The following PRKCH variants were observed in gnomAD, a reference collection of about 807,000 sequenced individuals.
PRKCH encodes protein kinase C eta, also known as protein kinase C eta type.
Under a neutral mutation model 82.5 loss-of-function variants are expected in PRKCH, and 28 were observed. The ratio of observed to expected loss-of-function variants is 0.34; its 90% confidence interval spans 0.25 to 0.47. The LOEUF (loss-of-function observed/expected upper bound fraction) is 0.47, where lower values mean the gene tolerates loss of function less well. Ranked by LOEUF, PRKCH falls within the 20% of genes least tolerant of loss-of-function variation. PRKCH has a pLI of 1.00. For missense variants in PRKCH, 705 were observed against 881.8 expected, an observed-to-expected ratio of 0.80 and a Z score of 2.54; for synonymous variants, 322 against 327.4, an observed-to-expected ratio of 0.98 and a Z score of 0.18.
At chr14:61,431,552 A>G (rs984411282) in intron 2 of PRKCH, among the ~76,000 whole-genome samples, 3 of 151,842 alleles carry the variant, frequency 2.0e-5, no homozygotes, top group African/African-American at 7.3e-5. Flanking sequence ...CTGCAGACCC[A>G]TATGGATTCG....
At chr14:61,284,406 G>A (rs1056840586) in intron 1 of PRKCH, among the ~76,000 whole-genome samples, 13 of 152,210 alleles carry the variant, frequency 8.5e-5, no homozygotes, top group Non-Finnish European at 1.6e-4. Context: ...AGAAGATACT[G>A]GTAGATTGGC....
chr14:61,227,601 GATAA>G (rs10638537), intron 1 of PRKCH, among the ~76,000 whole-genome samples: 1,954 of 151,414 alleles, frequency 0.013, 111 homozygotes, highest in Admixed American at 0.11. Context: ...TCAAAAAATA[GATAA>G]ATAAATAAAT....
At chr14:61,459,694 G>A (rs139649963) in intron 9 of PRKCH, among the ~76,000 whole-genome samples, 1,800 of 152,212 alleles carry the variant, frequency 0.012, 38 homozygotes, top group African/African-American at 0.041. Context: ...TCCTTTCTCC[G>A]AAAGAAACAA....
intron 1 of PRKCH, among the ~76,000 whole-genome samples, chr14:61,202,526 A>T (rs2044490075): frequency 6.6e-6 from 1 of 152,214 alleles, no homozygotes; most frequent in Non-Finnish European, 1.5e-5. Context: ...CCACTTCAAA[A>T]GCAGTTGGCA....
chr14:61,301,534 G>A (rs2045447302), intron 1 of PRKCH, among the ~76,000 whole-genome samples: 1 of 152,184 alleles, frequency 6.6e-6, no homozygotes. Flanking sequence ...AAGGTAACGT[G>A]TGCATACAGT....
At chr14:61,377,087 C>T (rs915926362) in intron 1 of PRKCH, among the ~76,000 whole-genome samples, 29 of 152,156 alleles carry the variant, frequency 1.9e-4, no homozygotes, top group Admixed American at 6.5e-4. Context: ...CCTGTCATCT[C>T]CCAGGTCATC....
chr14:61,489,812 A>T (rs1221297818), intron 10 of PRKCH, among the ~76,000 whole-genome samples: 1 of 152,236 alleles, frequency 6.6e-6, no homozygotes, highest in Admixed American at 6.5e-5. Flanking sequence ...ACAAAGGGGC[A>T]TGCATCCCAT....
At chr14:61,244,809 TATACCCCCGA>T (rs1419522768) in intron 1 of PRKCH, among the ~76,000 whole-genome samples, 2 of 152,238 alleles carry the variant, frequency 1.3e-5, no homozygotes, top group African/African-American at 4.8e-5. Flanking sequence ...TCACACTTTA[TATACCCCCGA>T]ATACAACAAG....
chr14:61,267,293 C>T (rs1053032209), intron 1 of PRKCH, among the ~76,000 whole-genome samples: 1 of 152,140 alleles, frequency 6.6e-6, no homozygotes, highest in East Asian at 1.9e-4. Context: ...GAGAGTACAG[C>T]GAGATGTAAT....
At position 61,418,546 on chromosome 14, in the gene PRKCH, G is replaced by A. The variant is rs1417131400; in HGVS notation, c.428-24565G>A. Reference sequence around the variant, plus strand: ...CCCTGGAAAGGTTAGCCTAAGCATGGGGTAGGTGCTGGTTTCTTTTGCTGA... The same window carrying A: ...CCCTGGAAAGGTTAGCCTAAGCATGAGGTAGGTGCTGGTTTCTTTTGCTGA... On this transcript the variant is annotated intron_variant, in intron 2 of 13. Coordinates refer to ENST00000332981, the MANE Select transcript of PRKCH (RefSeq NM_006255.5). 2.6e-5 allele frequency among the ~76,000 whole-genome samples: 4 copies of A among 152,196 alleles called. No homozygotes were observed. The South Asian group carries it at 8.3e-4, about 32-fold the overall frequency.
At chr14:61,322,583 A>G in intron 1 of PRKCH, 119 bp downstream of exon 1, 2 of 1,408,914 alleles carry the variant, frequency 1.4e-6, no homozygotes, top group South Asian at 1.5e-5. Flanking sequence ...TTCCCTCCAG[A>G]CTTTGGTCTT....
At chr14:61,246,208 C>T (rs1013979670) in intron 1 of PRKCH, among the ~76,000 whole-genome samples, 3 of 151,026 alleles carry the variant, frequency 2.0e-5, no homozygotes, top group Non-Finnish European at 4.4e-5. Flanking sequence ...GAGTTCAACA[C>T]CAGCCTGACC....
chr14:61,404,713 G>C (rs745313819), intron 2 of PRKCH, among the ~76,000 whole-genome samples: 2 of 152,200 alleles, frequency 1.3e-5, no homozygotes, highest in Non-Finnish European at 2.9e-5. Context: ...TGTGTATGCT[G>C]TTTTGTTCAA....
At chr14:61,314,680 G>A (rs995052387) in intron 1 of PRKCH, among the ~76,000 whole-genome samples, 1 of 152,082 alleles carries the variant, frequency 6.6e-6, no homozygotes, top group Non-Finnish European at 1.5e-5. Flanking sequence ...TCTTCTTTTG[G>A]GGAAACCTGA....
intron 12 of PRKCH, among the ~76,000 whole-genome samples, chr14:61,537,196 C>T (rs1265453977): frequency 6.6e-6 from 1 of 152,158 alleles, no homozygotes; most frequent in Non-Finnish European, 1.5e-5. Context: ...CAATACTTAA[C>T]GTGTGCTTGC....
intron 1 of PRKCH, among the ~76,000 whole-genome samples, chr14:61,239,799 C>T (rs867498547): frequency 1.3e-5 from 2 of 152,252 alleles, no homozygotes; most frequent in Middle Eastern, 3.4e-3. Context: ...GTAGTCCTGG[C>T]ATAATTTTTT....
intron 1 of PRKCH, among the ~76,000 whole-genome samples, chr14:61,299,024 C>T (rs1213044007): frequency 2.0e-5 from 3 of 152,180 alleles, no homozygotes; most frequent in East Asian, 1.9e-4. Context: ...CTTCTGGGGT[C>T]TGGTGTCACT....
chr14:61,261,164 CT>C (rs1348603259), intron 1 of PRKCH, among the ~76,000 whole-genome samples: 1 of 152,186 alleles, frequency 6.6e-6, no homozygotes, highest in Admixed American at 6.5e-5. Context: ...GCTTGGTTTG[CT>C]AAACTAAACT....
chr14:61,474,778 A>T (rs1325183796), intron 9 of PRKCH, among the ~76,000 whole-genome samples: 4 of 152,248 alleles, frequency 2.6e-5, no homozygotes, highest in Admixed American at 2.6e-4. Context: ...TTTGTTCCCC[A>T]GCCAGAGGAC....
Sources: gnomAD v4.1 joint callset for allele counts (sites outside exome capture counted in the v4.1 genomes callset) on GRCh38, gnomAD v4.1.1 for gene constraint, MANE v1.5 for transcripts, NCBI Gene and HGNC (gene_info 2026-07-23, HGNC 2026-07-21) for gene names.